Variants in TSEN15 observed in about 807,000 individuals in gnomAD.
TSEN15 encodes the protein tRNA splicing endonuclease subunit 15.
Under a neutral mutation model 20.5 loss-of-function variants are expected in TSEN15, and 10 were observed. The ratio of observed to expected loss-of-function variants is 0.49; its 90% confidence interval spans 0.30 to 0.83. TSEN15 has a LOEUF of 0.83. Among genes scored for constraint, TSEN15 ranks in the 40% least tolerant of loss-of-function variants. TSEN15 has a pLI of 0.06. For synonymous variants in TSEN15, 72 were observed against 80.1 expected (o/e 0.90, Z 0.54); for missense variants, 180 against 218.6 (o/e 0.82, Z 1.11).
At chr1:184,077,867 A>G (rs1651093378), downstream of TSEN15, among the ~76,000 whole-genome samples, 1 of 152,212 alleles carries the variant, frequency 6.6e-6, no homozygotes, top group South Asian at 2.1e-4. Flanking sequence ...CTTATGGATG[A>G]GCAAAGAGTG....
At chr1:184,058,223 A>C (rs1650316746) in intron 3 of TSEN15, 3 of 426,230 alleles carry the variant, frequency 7.0e-6, no homozygotes, top group Non-Finnish European at 9.3e-6. Flanking sequence ...AAGTAGAATT[A>C]GTTGGAATGA....
At position 184,086,238 on chromosome 1, in the gene TSEN15, T is replaced by C. The variant is rs1572721955; in HGVS notation, c.354-9452T>C. Among the ~76,000 whole-genome samples, 5 of 152,320 alleles carry C rather than the reference T, an allele frequency of 3.3e-5. 1 individual carries two copies. The South Asian group carries it at 1.0e-3, about 32-fold the overall frequency. Reference sequence around the variant, plus strand: ...ATTTCTAAATTTTAAAAAAATGTTATGGACACATGGGAATTGGTTGGGGTT... The same window carrying C: ...ATTTCTAAATTTTAAAAAAATGTTACGGACACATGGGAATTGGTTGGGGTT... On this transcript the variant is annotated intron_variant, in intron 3 of 3. Transcript: ENST00000643231.
chr1:184,089,857 G>A (rs999099538), intron 3 of TSEN15, among the ~76,000 whole-genome samples: 3 of 152,126 alleles, frequency 2.0e-5, no homozygotes, highest in Admixed American at 1.3e-4. Context: ...TAGAAGAGAA[G>A]CGATGCTTCC....
intron 3 of TSEN15, among the ~76,000 whole-genome samples, chr1:184,084,618 A>G (rs562839193): frequency 1.3e-5 from 2 of 152,026 alleles, no homozygotes; most frequent in African/African-American, 2.4e-5. Context: ...GAAATTTATT[A>G]GCTCACATTT....
chr1:184,052,629 A>G (rs1023454608), intron 1 of TSEN15, among the ~76,000 whole-genome samples: 6 of 152,198 alleles, frequency 3.9e-5, no homozygotes, highest in African/African-American at 1.4e-4. Flanking sequence ...GCAATAATTC[A>G]TAATCATCTA....
exon 4 of TSEN15, chr1:184,096,798 C>G (rs1213926870): frequency 6.6e-6 from 1 of 152,226 alleles, no homozygotes; most frequent in Non-Finnish European, 1.5e-5. Context: ...GAAAACTCCC[C>G]CTTATAATAA....
At chr1:184,094,439 G>T (rs930457392) in intron 3 of TSEN15, 1 of 152,318 alleles carries the variant, frequency 6.6e-6, no homozygotes, top group African/African-American at 2.4e-5. Flanking sequence ...AAGCAGACCA[G>T]TTCTGGTGTG....
chr1:184,071,445 A>G (rs1412508200), intron 3 of TSEN15, among the ~76,000 whole-genome samples: 1 of 152,054 alleles, frequency 6.6e-6, no homozygotes, highest in East Asian at 1.9e-4. Context: ...TTACAACACT[A>G]TATTACTGGG....
At chr1:184,055,629 T>A (rs1192836235) in intron 3 of TSEN15, among the ~76,000 whole-genome samples, 2 of 152,170 alleles carry the variant, frequency 1.3e-5, no homozygotes, top group African/African-American at 4.8e-5. Context: ...ACATGCAAGC[T>A]GAAATCAAAT....
chr1:184,082,167 G>A (rs894590257), intron 3 of TSEN15, among the ~76,000 whole-genome samples: 1 of 152,082 alleles, frequency 6.6e-6, no homozygotes, highest in Non-Finnish European at 1.5e-5. Flanking sequence ...GGGTGCATTA[G>A]CATCTGACAG....
downstream of TSEN15, among the ~76,000 whole-genome samples, chr1:184,078,279 G>A (rs769496481): frequency 6.6e-6 from 1 of 152,100 alleles, no homozygotes; most frequent in Non-Finnish European, 1.5e-5. Context: ...ATTAAGGTGT[G>A]TGCATTGTTT....
intron 1 of TSEN15, 48 bp downstream of exon 1, chr1:184,051,938 G>A (rs1166193609): frequency 4.1e-6 from 6 of 1,461,770 alleles, no homozygotes; most frequent in Non-Finnish European, 4.5e-6. Flanking sequence ...CCCTAACCCA[G>A]GCAGAACACT....
At chr1:184,079,307 A>T (rs1651120115) in intron 3 of TSEN15, among the ~76,000 whole-genome samples, 1 of 152,222 alleles carries the variant, frequency 6.6e-6, no homozygotes. Flanking sequence ...AGGGGAAGTA[A>T]TAAGAAGTAT....
chr1:184,079,308 TAAG>T (rs1461195319), intron 3 of TSEN15, among the ~76,000 whole-genome samples: 4 of 152,262 alleles, frequency 2.6e-5, no homozygotes, highest in South Asian at 4.1e-4. Context: ...GGGGAAGTAA[TAAG>T]AAGTATTTTA....
At position 184,066,649 on chromosome 1, in the gene TSEN15, G is replaced by A. The variant is rs186974657; in HGVS notation, c.354-5508G>A. 3.3e-3 allele frequency among the ~76,000 whole-genome samples: 507 copies of A among 152,176 alleles called. 2 individuals are homozygous for A. Among genetic ancestry groups the A allele is most frequent in the African/African-American group, 8.0e-3 (334 of 41,542 alleles). ...TCAAACTCCTAACCTCAAGTGATCC[G>A]CCTGCCTTAGCCTCTTAAAGTGCTG... On this transcript the variant is annotated intron_variant, in intron 3 of 4. Transcript: ENST00000645668.
chr1:184,079,944 A>G (rs781524971), intron 3 of TSEN15, among the ~76,000 whole-genome samples: 2 of 152,178 alleles, frequency 1.3e-5, no homozygotes, highest in African/African-American at 4.8e-5. Context: ...GAATTGAGAA[A>G]TACTTGTCTT....
intron 1 of TSEN15, among the ~76,000 whole-genome samples, chr1:184,053,604 C>A (rs755289449): frequency 3.9e-5 from 6 of 152,104 alleles, no homozygotes; most frequent in Non-Finnish European, 5.9e-5. Context: ...CAGCATTAGC[C>A]CTGCATATCC....
exon 4 of TSEN15, chr1:184,096,730 G>A (rs1651461184): frequency 6.5e-6 from 1 of 153,756 alleles, no homozygotes; most frequent in African/African-American, 2.4e-5. Flanking sequence ...AAGGCAAGGA[G>A]GAGCAAGTCA....
intron 3 of TSEN15, among the ~76,000 whole-genome samples, chr1:184,067,528 A>G (rs1011057209): frequency 6.6e-6 from 1 of 152,170 alleles, no homozygotes; most frequent in African/African-American, 2.4e-5. Context: ...ATCTTAGGCT[A>G]CTGTGTTCCT....
Sources: allele counts gnomAD v4.1 joint callset (sites outside exome capture counted in the v4.1 genomes callset), GRCh38; gene constraint gnomAD v4.1.1; transcripts MANE v1.5; gene names NCBI Gene and HGNC (gene_info 2026-07-23, HGNC 2026-07-21).